Variants in COL11A1 observed in about 807,000 individuals in gnomAD.
The protein encoded by COL11A1 is collagen alpha-1(XI) chain.
Under a neutral mutation model 265.2 loss-of-function variants are expected in COL11A1, and 74 were observed. That is an observed-to-expected ratio of 0.28 (90% CI 0.23 to 0.34). The LOEUF (loss-of-function observed/expected upper bound fraction) is 0.34. Among genes scored for constraint, COL11A1 ranks in the 10% least tolerant of loss-of-function variants. The pLI, the probability that COL11A1 is intolerant of heterozygous loss-of-function variation, is 1.00. For missense variants in COL11A1, 2,165 were observed against 2,263.6 expected (o/e 0.96, Z 0.88); for synonymous variants, 816 against 727.6 (o/e 1.12, Z -1.96).
At chr1:103,096,388 T>C (rs185102818) in intron 1 of COL11A1, among the ~76,000 whole-genome samples, 2 of 152,088 alleles carry the variant, frequency 1.3e-5, no homozygotes, top group African/African-American at 4.8e-5. Context: ...TAAAGCTTAG[T>C]TCAAGATTTG....
intron 44 of COL11A1, among the ~76,000 whole-genome samples, chr1:102,936,713 T>C (rs1346928690): frequency 6.6e-6 from 1 of 152,184 alleles, no homozygotes; most frequent in Non-Finnish European, 1.5e-5. Context: ...ATTACAAAAT[T>C]ATGTATGAAA....
chr1:103,001,841 A>G, intron 24 of COL11A1, 84 bp downstream of exon 24: 1 of 1,256,736 alleles, frequency 8.0e-7, no homozygotes. Context: ...TCTTAACAAA[A>G]ACAGAAGGCA....
At chr1:102,924,851 A>G (rs908825718) in intron 46 of COL11A1, among the ~76,000 whole-genome samples, 8 of 152,146 alleles carry the variant, frequency 5.3e-5, no homozygotes, top group South Asian at 4.1e-4. Context: ...ATGAATATGC[A>G]TAAGTTTAAC....
At chr1:103,044,249 G>A (rs916295286) in intron 4 of COL11A1, among the ~76,000 whole-genome samples, 5 of 150,386 alleles carry the variant, frequency 3.3e-5, no homozygotes, top group Admixed American at 1.3e-4. Context: ...TTGCCAAAAT[G>A]CTTAGAATTT....
Position 102,879,840 on chromosome 1 carries a change from G to A in COL11A1, c.5117C>T (p.Ala1706Val), listed in dbSNP as rs780760098. The A allele has an allele frequency of 6.2e-7, 1 of 1,613,852 alleles. No homozygotes were observed. The stretch of plus-strand genomic sequence containing the variant: ...ACAGTGGTAGGTGAAATTTTGCCGA[G>A]CAGAGGCAGTCAGAAGTTTCAGGAA... ...MTFLKLLTASARQNFTYHCHQ... is the reference protein window; with the variant it reads ...MTFLKLLTASVRQNFTYHCHQ... Residue 1706 changes from alanine to valine, a missense_variant, in exon 66 of 67, where the codon GCT (alanine) becomes GTT (valine). Physicochemically the swap from Ala to Val is moderately conservative, Grantham distance 64 (BLOSUM62 0). Coordinates refer to ENST00000370096, the MANE Select transcript of COL11A1 (RefSeq NM_001854.4).
At chr1:102,881,851 G>T in intron 64 of COL11A1, 86 bp from the exon 65 acceptor site, 1 of 960,784 alleles carries the variant, frequency 1.0e-6, no homozygotes, top group Non-Finnish European at 1.6e-6. Context: ...TTCATTTTCA[G>T]TAAGACTAAG....
chr1:102,913,473 A>G (rs1259186883), intron 53 of COL11A1, among the ~76,000 whole-genome samples, 164 bp downstream of exon 53: 1 of 152,182 alleles, frequency 6.6e-6, no homozygotes, highest in Non-Finnish European at 1.5e-5. Context: ...CACTCCATGT[A>G]AGATTGATTT....
chr1:102,921,522 G>T lies in COL11A1; in HGVS notation c.3704C>A (p.Ala1235Asp), dbSNP rs1356363513. The T allele has an allele frequency of 1.2e-6, 2 of 1,611,916 alleles. No homozygotes were observed. The highest frequency in any genetic ancestry group is 1.3e-5 in the African/African-American group (1 of 74,836). Reference protein sequence around the residue: ...GPRGPQGPNGADGPQGPPGSV... With the variant: ...GPRGPQGPNGDDGPQGPPGSV... ...CATATATTTCAGAGTTCTTACATCA[G>T]CTCCATTGGGACCTTGAGGGCCTCT... Residue 1235 changes from alanine to aspartate, a missense_variant, in exon 48 of 67, where the codon GCT becomes GAT. Coordinates refer to ENST00000370096, the MANE Select transcript of COL11A1 (RefSeq NM_001854.4).
intron 1 of COL11A1, among the ~76,000 whole-genome samples, chr1:103,104,300 AC>A (rs1203109970): frequency 6.6e-6 from 1 of 152,106 alleles, no homozygotes; most frequent in South Asian, 2.1e-4. Flanking sequence ...AAGAAAGGTG[AC>A]TCTTTATACA....
intron 57 of COL11A1, among the ~76,000 whole-genome samples, chr1:102,897,576 T>C (rs1652597378): frequency 6.6e-6 from 1 of 152,118 alleles, no homozygotes; most frequent in South Asian, 2.1e-4. Context: ...CACCTATGAA[T>C]AGTATCCCAG....
At chr1:103,009,201 G>A (rs1336578736) in intron 14 of COL11A1, among the ~76,000 whole-genome samples, 1 of 152,142 alleles carries the variant, frequency 6.6e-6, no homozygotes, top group Non-Finnish European at 1.5e-5. Flanking sequence ...ATCACCTGAG[G>A]TCAGGAGTTC....
intron 49 of COL11A1, among the ~76,000 whole-genome samples, chr1:102,919,377 A>T (rs2101060642): frequency 6.6e-6 from 1 of 151,784 alleles, no homozygotes; most frequent in South Asian, 2.1e-4. Context: ...TCTGAGAATT[A>T]AATGCTTTAA....
chr1:102,978,809 C>A (rs374602228), intron 34 of COL11A1, 51 bp downstream of exon 34: 1 of 1,613,862 alleles, frequency 6.2e-7, no homozygotes, highest in Non-Finnish European at 8.5e-7. Context: ...TAGCATCTGC[C>A]TGGAAAAAAA....
intron 3 of COL11A1, among the ~76,000 whole-genome samples, chr1:103,076,689 A>C (rs975476023): frequency 1.3e-5 from 2 of 152,144 alleles, no homozygotes; most frequent in Admixed American, 1.3e-4. Context: ...GGATTCATTC[A>C]TATTAAACTG....
rs1651477480 is a variant in COL11A1 at position 102,889,537 on chromosome 1, A to G, written c.4382T>C (p.Ile1461Thr). The G allele has an allele frequency of 7.4e-6, 12 of 1,613,614 alleles. No homozygotes were observed. The East Asian group carries it at 2.7e-4, about 36-fold the overall frequency. The part of the protein sequence containing the change: ...EKGHPGLIGL[I>T]GPPGEQGEKG... The stretch of plus-strand genomic sequence containing the variant: ...TTCCCCTTGTTCTCCTGGAGGACCA[A>G]TCAGGCCAATTAAACCAGGATGTCC... Residue 1461 changes from isoleucine to threonine, a missense_variant, in exon 59 of 67, where the codon ATT (isoleucine) becomes ACT (threonine). Physicochemically the swap from Ile to Thr is moderately conservative, Grantham distance 89. Transcript: ENST00000370096.
At position 102,897,287 on chromosome 1, in the gene COL11A1, C is replaced by T. The variant is rs138167938; in HGVS notation, c.4302+838G>A. On this transcript the variant is annotated intron_variant, in intron 57 of 66. Coordinates refer to ENST00000370096, the MANE Select transcript of COL11A1 (RefSeq NM_001854.4). ...TAATTAATATATTTATGATAAAAGG[C>T]ATTTGAATAAATTTTAAAATACCAT... Among the ~76,000 whole-genome samples the T allele has an allele frequency of 2.2e-3, 333 of 151,916 alleles. 1 individual carries two copies. The highest frequency in any genetic ancestry group is 3.9e-3 in the Non-Finnish European group (265 of 67,936).
chr1:103,041,617 G>A (rs1032500620), intron 4 of COL11A1, among the ~76,000 whole-genome samples: 1 of 151,492 alleles, frequency 6.6e-6, no homozygotes, highest in South Asian at 2.1e-4. Flanking sequence ...ATCTAAATCG[G>A]CTACTTTATA....
intron 41 of COL11A1, among the ~76,000 whole-genome samples, chr1:102,957,321 A>G (rs1368595723): frequency 1.3e-5 from 2 of 152,136 alleles, no homozygotes; most frequent in Non-Finnish European, 2.9e-5. Context: ...GATATAGTGC[A>G]TAAGCTACAT....
At chr1:103,000,856 T>C (rs960008585) in intron 24 of COL11A1, among the ~76,000 whole-genome samples, 2 of 151,880 alleles carry the variant, frequency 1.3e-5, no homozygotes, top group Admixed American at 6.6e-5. Flanking sequence ...CTACACCTAT[T>C]CTATCAACTG....
Sources: allele counts gnomAD v4.1 joint callset (sites outside exome capture counted in the v4.1 genomes callset), GRCh38; gene constraint gnomAD v4.1.1; transcripts MANE v1.5; gene names NCBI Gene and HGNC (gene_info 2026-07-23, HGNC 2026-07-21).